EFCAB6: variants seen among roughly 807,000 people sequenced by gnomAD.
EFCAB6 encodes the protein EF-hand calcium-binding domain-containing protein 6.
A neutral mutation model predicts 169.8 loss-of-function variants in EFCAB6; 156 were observed. The observed-to-expected ratio is 0.92, with a 90% CI of 0.81 to 1.05. The LOEUF is 1.05. Ranked by LOEUF, EFCAB6 falls within the 50% of genes least tolerant of loss-of-function variation. EFCAB6 has a pLI of 0.00. For missense variants in EFCAB6, 1,800 were observed against 1,829.1 expected (o/e 0.98, Z 0.29); for synonymous variants, 698 against 676.4 (o/e 1.03, Z -0.50).
intron 2 of EFCAB6, among the ~76,000 whole-genome samples, chr22:43,807,980 GTTAA>G (rs1332106709): frequency 6.6e-6 from 1 of 152,182 alleles, no homozygotes; most frequent in Non-Finnish European, 1.5e-5. Context: ...CAACTTGCAA[GTTAA>G]TTAACCTCCT....
chr22:43,533,144 G>A (rs2047180123), intron 30 of EFCAB6, among the ~76,000 whole-genome samples: 1 of 152,216 alleles, frequency 6.6e-6, no homozygotes, highest in African/African-American at 2.4e-5. Flanking sequence ...TGCCCTTTAA[G>A]TGGCTTTAGG....
intron 22 of EFCAB6, 47 bp from the exon 23 acceptor site, chr22:43,600,310 G>A: frequency 6.3e-7 from 1 of 1,587,292 alleles, no homozygotes; most frequent in Non-Finnish European, 8.6e-7. Flanking sequence ...TAGCCAGTAA[G>A]GTGTGCTGAT....
chr22:43,590,646 G>C (rs1487803693), intron 23 of EFCAB6, among the ~76,000 whole-genome samples: 6 of 151,206 alleles, frequency 4.0e-5, no homozygotes, highest in African/African-American at 1.5e-4. Flanking sequence ...GTGAATCAAA[G>C]AGGCATCCCT....
At chr22:43,681,198 T>C (rs1369875534) in intron 12 of EFCAB6, among the ~76,000 whole-genome samples, 2 of 152,236 alleles carry the variant, frequency 1.3e-5, no homozygotes, top group Non-Finnish European at 1.5e-5. Context: ...AATACTGTTT[T>C]TGCATCTATT....
At position 43,608,658 on chromosome 22, in the gene EFCAB6, A is replaced by G. The variant is rs145396042; in HGVS notation, c.2563-58T>C. 5.6e-3 allele frequency: 8,591 copies of G among 1,525,240 alleles called. 52 individuals are homozygous for G. The highest frequency in any genetic ancestry group is 0.035 in the Middle Eastern group (208 of 5,898). The allele number at this position is 1,525,240 out of a possible 1,614,324, so 94.5% of individuals were successfully genotyped here. On this transcript the variant is annotated intron_variant, in intron 21 of 31. Transcript: ENST00000262726. ...GTGAAATGTGCGTATGACAGCAGAA[A>G]AGATGTTCAATTAGTCAATATGTGG...
chr22:43,671,311 C>T (rs1245085147), intron 15 of EFCAB6, among the ~76,000 whole-genome samples: 2 of 152,176 alleles, frequency 1.3e-5, no homozygotes, highest in Non-Finnish European at 2.9e-5. Context: ...AAGTGATTCT[C>T]CTGCCTCAGC....
chr22:43,807,427 C>T (rs1412956208), intron 2 of EFCAB6, among the ~76,000 whole-genome samples: 1 of 152,180 alleles, frequency 6.6e-6, no homozygotes, highest in East Asian at 1.9e-4. Flanking sequence ...AAGTCACAGA[C>T]CATCAAATAC....
intron 22 of EFCAB6, among the ~76,000 whole-genome samples, chr22:43,605,182 A>G (rs2052821602): frequency 6.6e-6 from 1 of 152,036 alleles, no homozygotes; most frequent in Admixed American, 6.6e-5. Flanking sequence ...GATGTCGCTG[A>G]CTCTATCCTG....
chr22:43,806,289 T>C (rs1182376816), intron 2 of EFCAB6, among the ~76,000 whole-genome samples: 1 of 146,154 alleles, frequency 6.8e-6, no homozygotes, highest in Non-Finnish European at 1.5e-5. Flanking sequence ...TGAGAGGAGG[T>C]CTCACGCTGG....
At chr22:43,650,699 G>A (rs1199152258) in intron 17 of EFCAB6, among the ~76,000 whole-genome samples, 1 of 152,194 alleles carries the variant, frequency 6.6e-6, no homozygotes, top group East Asian at 1.9e-4. Flanking sequence ...CTAGAGACTT[G>A]TTGAATGGCT....
intron 2 of EFCAB6, among the ~76,000 whole-genome samples, chr22:43,805,516 T>C (rs1344554004): frequency 3.3e-5 from 5 of 152,050 alleles, no homozygotes; most frequent in South Asian, 2.1e-4. Context: ...TTCATAAAGA[T>C]AGAGTAAACT....
At chr22:43,542,077 C>G (rs548089008) in intron 27 of EFCAB6, among the ~76,000 whole-genome samples, 3 of 152,360 alleles carry the variant, frequency 2.0e-5, no homozygotes, top group Non-Finnish European at 4.4e-5. Flanking sequence ...TAGGGGAGGA[C>G]CCGGTAGGCT....
chr22:43,802,842 T>C (rs2062774960), intron 2 of EFCAB6: 5 of 408,758 alleles, frequency 1.2e-5, no homozygotes, highest in South Asian at 1.1e-4. Context: ...CTATTTTTAA[T>C]CAAGTTTTAT....
chr22:43,581,648 G>C (rs777572387), intron 24 of EFCAB6, among the ~76,000 whole-genome samples: 1 of 152,252 alleles, frequency 6.6e-6, no homozygotes, highest in Non-Finnish European at 1.5e-5. Flanking sequence ...TCTCTCAGCA[G>C]CATTGGGCTC....
At chr22:43,529,579 T>G (rs2046936667) in intron 31 of EFCAB6, among the ~76,000 whole-genome samples, 1 of 152,226 alleles carries the variant, frequency 6.6e-6, no homozygotes, top group Admixed American at 6.5e-5. Flanking sequence ...AAGAATGTTA[T>G]GTAGAACATC....
chr22:43,589,320 A>AAAAAAAAAAAAAAAAAAAAAAG (rs1569207678), intron 24 of EFCAB6, among the ~76,000 whole-genome samples: 1 of 59,772 alleles, frequency 1.7e-5, no homozygotes, highest in Admixed American at 2.7e-4. Flanking sequence ...AAAAAAAAAA[A>AAAAAAAAAAAAAAAAAAAAAAG]AGAAGTACAG....
At chr22:43,653,982 G>A (rs1371611569) in intron 17 of EFCAB6, among the ~76,000 whole-genome samples, 1 of 152,052 alleles carries the variant, frequency 6.6e-6, no homozygotes, top group Non-Finnish European at 1.5e-5. Context: ...GCAAACAATA[G>A]AGGAAATCAA....
In EFCAB6 at chr22:43,711,576, G is replaced by T. The variant is rs377683407; in HGVS notation, c.930C>A (p.Asp310Glu). ...AAGACACGTAGCCACCTTTACAGGGGTCCCCTGCACTGAGGGCCTTTTCAA... is the reference window on the plus strand; with the variant it reads ...AAGACACGTAGCCACCTTTACAGGGTTCCCCTGCACTGAGGGCCTTTTCAA... ...EKVEKALSAGDPCKGGYVSFN... is the reference protein window; with the variant it reads ...EKVEKALSAGEPCKGGYVSFN... Residue 310 changes from aspartate (D) to glutamate (E), a missense_variant, in exon 10 of 32, where the codon GAC becomes GAA. Asp to Glu is a conservative substitution (Grantham distance 45). Coordinates refer to ENST00000262726, the MANE Select transcript of EFCAB6 (RefSeq NM_022785.4). 9 of 1,603,270 alleles carry T rather than the reference G, an allele frequency of 5.6e-6. No homozygotes were observed. In the East Asian group the frequency reaches 1.1e-4, roughly 20 times the overall value.
At chr22:43,660,910 T>G (rs1484988188) in intron 17 of EFCAB6, among the ~76,000 whole-genome samples, 1 of 152,170 alleles carries the variant, frequency 6.6e-6, no homozygotes. Context: ...CCACCTCTCT[T>G]ATTTAAACCA....
Sources: gnomAD v4.1 joint callset for allele counts (sites outside exome capture counted in the v4.1 genomes callset) on GRCh38, gnomAD v4.1.1 for gene constraint, MANE v1.5 for transcripts, NCBI Gene and HGNC (gene_info 2026-07-23, HGNC 2026-07-21) for gene names.